Variants in UXS1 observed in about 807,000 individuals in gnomAD.
The protein encoded by UXS1 is UDP-glucuronate decarboxylase 1.
UXS1 carries 33 observed loss-of-function variants against 62.6 expected under a neutral mutation model. The ratio of observed to expected loss-of-function variants is 0.53; its 90% confidence interval spans 0.40 to 0.70. The LOEUF (loss-of-function observed/expected upper bound fraction) is 0.70, where lower values mean the gene tolerates loss of function less well. UXS1 is among the 30% of genes least tolerant of loss of function. The pLI is 0.00. For synonymous variants in UXS1, 213 were observed against 206.8 expected (o/e 1.03, Z -0.26); for missense variants, 434 against 556.3 (o/e 0.78, Z 2.21).
intron 5 of UXS1, among the ~76,000 whole-genome samples, chr2:106,157,322 A>C (rs1418671225): frequency 6.6e-6 from 1 of 152,216 alleles, no homozygotes; most frequent in Non-Finnish European, 1.5e-5. Context: ...TTTGTTACCT[A>C]ATAGTTAAAA....
intron 1 of UXS1, among the ~76,000 whole-genome samples, chr2:106,186,660 A>AT (rs1159372646): frequency 3.3e-5 from 5 of 152,090 alleles, no homozygotes; most frequent in Admixed American, 6.5e-5. Flanking sequence ...ACAAAAAAAA[A>AT]TTTTTTAATT....
chr2:106,095,194 A>G (rs1055812945), intron 14 of UXS1, among the ~76,000 whole-genome samples: 1 of 152,244 alleles, frequency 6.6e-6, no homozygotes, highest in Admixed American at 6.5e-5. Context: ...TAGTGAATGT[A>G]TATTTAAATC....
At chr2:106,190,150 T>C (rs1338503329) in intron 1 of UXS1, among the ~76,000 whole-genome samples, 2 of 152,092 alleles carry the variant, frequency 1.3e-5, no homozygotes, top group African/African-American at 4.8e-5. Flanking sequence ...TCATACTACA[T>C]AGAAAGCAAG....
At chr2:106,098,799 T>C (rs1197338600) in intron 12 of UXS1, 26 bp from the exon 13 acceptor site, 2 of 1,604,674 alleles carry the variant, frequency 1.2e-6, no homozygotes, top group Non-Finnish European at 1.7e-6. Flanking sequence ...TTTCCAGTTA[T>C]AAGCGTCATG....
chr2:106,130,495 A>G (rs1406627524), intron 6 of UXS1, among the ~76,000 whole-genome samples: 1 of 152,228 alleles, frequency 6.6e-6, no homozygotes, highest in Non-Finnish European at 1.5e-5. Flanking sequence ...GACAAAGTCC[A>G]TGTCATGCCA....
intron 1 of UXS1, among the ~76,000 whole-genome samples, chr2:106,171,605 G>GA (rs1230338054): frequency 6.6e-6 from 1 of 152,218 alleles, no homozygotes; most frequent in Non-Finnish European, 1.5e-5. Flanking sequence ...CTGAGTCCCT[G>GA]AATGCCAGGC....
intron 7 of UXS1, among the ~76,000 whole-genome samples, chr2:106,129,136 C>T (rs923303650): frequency 6.6e-6 from 1 of 152,204 alleles, no homozygotes; most frequent in Non-Finnish European, 1.5e-5. Flanking sequence ...TCTCGTCCAT[C>T]TTTTACTAAT....
intron 1 of UXS1, among the ~76,000 whole-genome samples, chr2:106,175,379 G>A (rs976226219): frequency 6.6e-6 from 1 of 152,212 alleles, no homozygotes; most frequent in Admixed American, 6.5e-5. Context: ...CCAAGTGCTT[G>A]CAGCAAAGCT....
chr2:106,118,422 T>C (rs1573441751), intron 9 of UXS1, among the ~76,000 whole-genome samples: 1 of 141,566 alleles, frequency 7.1e-6, no homozygotes, highest in East Asian at 2.0e-4. Context: ...GCCCAGTGGG[T>C]GGGCCACAGA....
At chr2:106,168,045 C>A (rs923997372) in intron 1 of UXS1, among the ~76,000 whole-genome samples, 1 of 152,170 alleles carries the variant, frequency 6.6e-6, no homozygotes, top group African/African-American at 2.4e-5. Context: ...CCTGTAATCC[C>A]AGCTACTTGG....
chr2:106,177,370 A>AT (rs1347036654), intron 1 of UXS1, among the ~76,000 whole-genome samples: 1 of 151,768 alleles, frequency 6.6e-6, no homozygotes, highest in Non-Finnish European at 1.5e-5. Context: ...TAATTTTTGT[A>AT]TTTTTAGTAG....
intron 9 of UXS1, among the ~76,000 whole-genome samples, chr2:106,118,128 A>G (rs1455317172): frequency 6.6e-6 from 1 of 152,118 alleles, no homozygotes; most frequent in Non-Finnish European, 1.5e-5. Flanking sequence ...AGGGCCAGGA[A>G]GCCAAGCTGC....
intron 1 of UXS1, among the ~76,000 whole-genome samples, chr2:106,185,504 G>C (rs1206949424): frequency 6.6e-6 from 1 of 152,086 alleles, no homozygotes; most frequent in African/African-American, 2.4e-5. Context: ...TTCCAGGTTT[G>C]GGGTAGAAAA....
chr2:106,194,058 C>T, intron 1 of UXS1, 90 bp downstream of exon 1: 2 of 1,054,052 alleles, frequency 1.9e-6, no homozygotes, highest in Non-Finnish European at 1.2e-6. Flanking sequence ...GCTGCAGGGC[C>T]GCCTCGGGGC....
Position 106,110,976 on chromosome 2 carries a change from A to AGGAGCAAG in UXS1, c.879+1662_879+1669dup, listed in dbSNP as rs558445795. Among the ~76,000 whole-genome samples the AGGAGCAAG allele has an allele frequency of 6.6e-4, 101 of 152,342 alleles. 2 individuals carry two copies. The South Asian group carries it at 0.018, about 27-fold the overall frequency. On this transcript the variant is annotated intron_variant, in intron 10 of 14. Coordinates refer to ENST00000283148, the MANE Select transcript of UXS1 (RefSeq NM_001253875.2). The stretch of plus-strand genomic sequence containing the variant: ...AAAGCAAGACGCTGCTGGGACAGGC[A>AGGAGCAAG]GGAGCAAGGGAGCAAGGAAGCCCGG...
intron 10 of UXS1, among the ~76,000 whole-genome samples, chr2:106,111,701 G>C (rs76529266): frequency 1.3e-3 from 201 of 152,310 alleles, no homozygotes; most frequent in African/African-American, 4.8e-3. Context: ...GAGCTAACGT[G>C]ATCAACCAAT....
intron 10 of UXS1, among the ~76,000 whole-genome samples, chr2:106,105,929 C>A (rs935725368): frequency 2.6e-5 from 4 of 152,112 alleles, no homozygotes; most frequent in African/African-American, 9.7e-5. Context: ...GGTCTCTTCC[C>A]GCCTGACAGC....
At chr2:106,096,982 T>C (rs1346307656) in intron 13 of UXS1, 161 bp from the exon 14 acceptor site, 8 of 767,630 alleles carry the variant, frequency 1.0e-5, no homozygotes, top group Non-Finnish European at 1.8e-5. Flanking sequence ...CGAGGGACTG[T>C]TCTGCGTGGA....
At chr2:106,193,664 A>G (rs1185093776) in intron 1 of UXS1, among the ~76,000 whole-genome samples, 2 of 152,186 alleles carry the variant, frequency 1.3e-5, no homozygotes, top group African/African-American at 2.4e-5. Context: ...TTAAACGCTG[A>G]GTAATTTTCC....
Sources: gnomAD v4.1 joint callset for allele counts (sites outside exome capture counted in the v4.1 genomes callset) on GRCh38, gnomAD v4.1.1 for gene constraint, MANE v1.5 for transcripts, NCBI Gene and HGNC (gene_info 2026-07-23, HGNC 2026-07-21) for gene names.